SLC6A3: variants seen among roughly 807,000 people sequenced by gnomAD.
SLC6A3 encodes sodium-dependent dopamine transporter.
In SLC6A3, 19 loss-of-function variants were observed where a neutral mutation model predicts 70.4. That is an observed-to-expected ratio of 0.27 (90% CI 0.19 to 0.40). The LOEUF (loss-of-function observed/expected upper bound fraction) is 0.40, where lower values mean the gene tolerates loss of function less well. Among genes scored for constraint, SLC6A3 ranks in the 10% least tolerant of loss-of-function variants. The pLI, the probability that SLC6A3 is intolerant of heterozygous loss-of-function variation, is 1.00. For synonymous variants in SLC6A3, 368 were observed against 356.6 expected, an observed-to-expected ratio of 1.03 and a Z score of -0.36; for missense variants, 613 against 838.5, an observed-to-expected ratio of 0.73 and a Z score of 3.32.
intron 14 of SLC6A3, among the ~76,000 whole-genome samples, chr5:1,395,769 C>T (rs1224230364): frequency 2.0e-5 from 3 of 152,264 alleles, no homozygotes; most frequent in Admixed American, 6.5e-5. Flanking sequence ...ATGAAGAAGC[C>T]ATGCTTGGGA....
chr5:1,437,529 A>G lies in SLC6A3; in HGVS notation c.418+3830T>C, dbSNP rs1384181018. On this transcript the variant is annotated intron_variant, in intron 3 of 14. Transcript: ENST00000270349. This position sits in a 1 kb window ranked among gnomAD's most constrained non-coding sequence, Gnocchi z 4.8. Reference sequence around the variant, plus strand: ...GAGTTTTAAAGACCCACCTCTCAGGACCCTGGGGTGCACTGCGGGGCTGAA... The same window carrying G: ...GAGTTTTAAAGACCCACCTCTCAGGGCCCTGGGGTGCACTGCGGGGCTGAA... Among the ~76,000 whole-genome samples, 1 of 152,184 alleles carries G rather than the reference A, an allele frequency of 6.6e-6. No homozygotes were observed. The highest frequency in any genetic ancestry group is 1.5e-5 in the Non-Finnish European group (1 of 68,020).
At chr5:1,431,710 C>G (rs532030474) in intron 4 of SLC6A3, among the ~76,000 whole-genome samples, 10 of 149,750 alleles carry the variant, frequency 6.7e-5, no homozygotes, top group African/African-American at 2.2e-4. Context: ...CTGGGGTGGA[C>G]AGTGAGGGTT....
chr5:1,407,471 G>C (rs1329885299), intron 11 of SLC6A3, among the ~76,000 whole-genome samples: 1 of 152,250 alleles, frequency 6.6e-6, no homozygotes, highest in African/African-American at 2.4e-5. Context: ...GGAGTCATCA[G>C]CTCCAAGACC....
At chr5:1,441,052 T>A (rs897720065) in intron 3 of SLC6A3, among the ~76,000 whole-genome samples, 2 of 152,252 alleles carry the variant, frequency 1.3e-5, no homozygotes, top group African/African-American at 4.8e-5. Flanking sequence ...GATGGACCGA[T>A]GGATGATAGG....
rs978441100 is a variant in SLC6A3, at chr5:1,393,583, G to A, written c.*1152C>T. 1.3e-5 allele frequency: 2 copies of A among 154,192 alleles called. No homozygotes were observed. The highest frequency in any genetic ancestry group is 4.8e-5 in the African/African-American group (2 of 41,430). 9.6% of individuals were successfully genotyped at this position (154,192 alleles called of 1,614,324 possible). A position where few individuals can be genotyped will look rare whatever the true frequency, so the allele number is the denominator to read the frequency against. ...AGTGTGGTCTGCAGGCTGCCTGCAT[G>A]GGGGCCCTGCATGCGTCCTGGGGTA... On this transcript the variant is annotated 3_prime_UTR_variant, in exon 15 of 15. Coordinates refer to ENST00000270349, the MANE Select transcript of SLC6A3 (RefSeq NM_001044.5).
Position 1,396,094 on chromosome 5 carries a change from C to G in SLC6A3, c.1840-1336G>C, listed in dbSNP as rs1442476717. Among the ~76,000 whole-genome samples the G allele has an allele frequency of 6.6e-6, 1 of 152,182 alleles. No individual in the cohort carries two copies. The highest frequency in any genetic ancestry group is 2.4e-5 in the African/African-American group (1 of 41,436). ...ACAGTGATGAGAATTTCACAAGAAA[C>G]AGCAGAGCACACGCAGCTTCCAGAG... On this transcript the variant is annotated intron_variant, in intron 14 of 14. Coordinates refer to ENST00000270349, the MANE Select transcript of SLC6A3 (RefSeq NM_001044.5). The surrounding 1 kb of genome is among the most constrained non-coding windows in gnomAD (Gnocchi z 7.0).
intron 1 of SLC6A3, among the ~76,000 whole-genome samples, chr5:1,444,930 GC>G (rs1733763241): frequency 6.6e-6 from 1 of 152,034 alleles, no homozygotes; most frequent in Non-Finnish European, 1.5e-5. Context: ...CACAGACAAA[GC>G]CCCCGCGAGA....
rs1188249672 is a variant in SLC6A3, at chr5:1,442,460, T to C, written c.286+452A>G. 6.6e-6 allele frequency among the ~76,000 whole-genome samples: 1 copy of C among 152,172 alleles called. No homozygotes were observed. The highest frequency in any genetic ancestry group is 1.5e-5 in the Non-Finnish European group (1 of 68,012). On this transcript the variant is annotated intron_variant, in intron 2 of 14. Transcript: ENST00000270349. This position sits in a 1 kb window ranked among gnomAD's most constrained non-coding sequence, Gnocchi z 5.0. ...TTCGCTTTCTGGCTCTGTGGCTGGG[T>C]TCTGGAGGGTGCAGGGGACACAGTC...
rs570254399 is a variant in SLC6A3 at position 1,436,427 on chromosome 5, C to A, written c.419-3729G>T. ...TCCCCAAGGAGGTGGCAGGCAAAGT[C>A]CCTGCTCGCGTTTCCAGGGAAAACA... is the stretch of plus-strand genomic sequence containing the variant. On this transcript the variant is annotated intron_variant, in intron 3 of 14. Coordinates refer to ENST00000270349, the MANE Select transcript of SLC6A3 (RefSeq NM_001044.5). The surrounding 1 kb of genome is among the most constrained non-coding windows in gnomAD (Gnocchi z 5.2). 6.6e-6 allele frequency among the ~76,000 whole-genome samples: 1 copy of A among 152,300 alleles called. No individual in the cohort carries two copies. The highest frequency in any genetic ancestry group is 1.9e-4 in the East Asian group (1 of 5,180).
In SLC6A3 at chr5:1,405,562, C is replaced by T. The variant is rs754261461; in HGVS notation, c.1599+626G>A. ...GGCAGCACAGCTTTGCTTTGTGAGCCTCCAGGCCTCTGTGGTTCAGTGGGG... is the reference window on the plus strand; with the variant it reads ...GGCAGCACAGCTTTGCTTTGTGAGCTTCCAGGCCTCTGTGGTTCAGTGGGG... On this transcript the variant is annotated intron_variant, in intron 12 of 14. Transcript: ENST00000270349. This position sits in a 1 kb window ranked among gnomAD's most constrained non-coding sequence, Gnocchi z 5.3. Among the ~76,000 whole-genome samples, 1 of 152,258 alleles carries T rather than the reference C, an allele frequency of 6.6e-6. No individual in the cohort carries two copies. Among genetic ancestry groups the T allele is most frequent in the Non-Finnish European group, 1.5e-5 (1 of 68,046 alleles).
chr5:1,417,829 C>A (rs540035090), intron 6 of SLC6A3, among the ~76,000 whole-genome samples: 2 of 152,342 alleles, frequency 1.3e-5, no homozygotes, highest in East Asian at 1.9e-4. Flanking sequence ...GGCAGAGACA[C>A]CAGATGCTCC....
At chr5:1,432,254 C>T (rs976568149) in intron 4 of SLC6A3, among the ~76,000 whole-genome samples, 11 of 152,246 alleles carry the variant, frequency 7.2e-5, no homozygotes, top group Middle Eastern at 3.4e-3. Flanking sequence ...GCTGAGGGCT[C>T]GCCCTACAGG....
chr5:1,415,616 C>G (rs1290352235), intron 7 of SLC6A3, among the ~76,000 whole-genome samples: 1 of 152,144 alleles, frequency 6.6e-6, no homozygotes, highest in African/African-American at 2.4e-5. Flanking sequence ...GGATAAAATT[C>G]TGTTTCTGTT....
At chr5:1,407,363 G>A (rs1434679094) in intron 11 of SLC6A3, among the ~76,000 whole-genome samples, 1 of 147,162 alleles carries the variant, frequency 6.8e-6, no homozygotes. Context: ...GGGATGCAGA[G>A]AGGTGAGGCC....
Position 1,419,323 on chromosome 5 carries a change from T to TC in SLC6A3, c.927+1245dup, listed in dbSNP as rs1756380788. ...TCCTATCCACCTACTTACCTAGCAT[T>TC]CATCCATCCATCCATCCATCCATCC... On this transcript the variant is annotated intron_variant, in intron 6 of 14. Transcript: ENST00000270349. 7.0e-5 allele frequency among the ~76,000 whole-genome samples: 10 copies of TC among 142,968 alleles called. No individual in the cohort carries two copies. In the East Asian group the frequency reaches 1.5e-3, roughly 22 times the overall value. 93.8% of individuals were successfully genotyped at this position (142,968 alleles called of 152,430 possible).
rs937769351 is a variant in SLC6A3 at position 1,401,873 on chromosome 5, G to C, written c.1768-887C>G. On this transcript the variant is annotated intron_variant, in intron 13 of 14. Coordinates refer to ENST00000270349, the MANE Select transcript of SLC6A3 (RefSeq NM_001044.5). This position sits in a 1 kb window ranked among gnomAD's most constrained non-coding sequence, Gnocchi z 6.1. ...TGGGTCCTGGCAGGTCAGCCCGTGG[G>C]GGTCTGAGAGGGACTGTCCACAGCA... is the stretch of plus-strand genomic sequence containing the variant. 7.2e-5 allele frequency among the ~76,000 whole-genome samples: 11 copies of C among 152,190 alleles called. No homozygotes were observed. Among genetic ancestry groups the C allele is most frequent in the Admixed American group, 3.3e-4 (5 of 15,290 alleles).
At chr5:1,417,996 C>T (rs1381821203) in intron 6 of SLC6A3, among the ~76,000 whole-genome samples, 2 of 152,208 alleles carry the variant, frequency 1.3e-5, no homozygotes, top group African/African-American at 4.8e-5. Context: ...GTTCCTGGGA[C>T]AGTGTGTTTG....
Position 1,421,894 on chromosome 5 carries a change from G to C in SLC6A3, c.774C>G (p.Gly258=). 1 of 1,613,200 alleles carries C rather than the reference G, an allele frequency of 6.2e-7. No individual in the cohort carries two copies. Among genetic ancestry groups the C allele is most frequent in the Non-Finnish European group, 8.5e-7 (1 of 1,180,004 alleles). ...IVLLYFSLWK[G]VKTSGKVVWI... is the part of the protein sequence containing the mutation. The stretch of plus-strand genomic sequence containing the variant: ...GCCTCACCTTCCCTGAGGTCTTCAC[G>C]CCCTTCCAGAGGCTGAAGTAGAGCA... Residue 258 remains glycine, a synonymous_variant, in exon 5 of 15, where the codon GGC becomes GGG. Coordinates refer to ENST00000270349, the MANE Select transcript of SLC6A3 (RefSeq NM_001044.5). This position sits in a 1 kb window ranked among gnomAD's most constrained non-coding sequence, Gnocchi z 7.2.
chr5:1,413,788 G>A lies in SLC6A3; in HGVS notation c.1156+903C>T, dbSNP rs28363079. 1.9e-3 allele frequency among the ~76,000 whole-genome samples: 293 copies of A among 152,186 alleles called. No homozygotes were observed. Among genetic ancestry groups the A allele is most frequent in the East Asian group, 0.01 (53 of 5,166 alleles). On this transcript the variant is annotated intron_variant, in intron 8 of 14. Coordinates refer to ENST00000270349, the MANE Select transcript of SLC6A3 (RefSeq NM_001044.5). The surrounding 1 kb of genome is among the most constrained non-coding windows in gnomAD (Gnocchi z 7.1). ...AGCCTTGGGACTCCCTGGAGCTCTC[G>A]GTTGGCCCAAGTTAGGGCTGCCAAC...
Sources: gnomAD v4.1 joint callset for allele counts (sites outside exome capture counted in the v4.1 genomes callset) on GRCh38, gnomAD v4.1.1 for gene constraint, Gnocchi (gnomAD v3.1) non-coding constraint, MANE v1.5 for transcripts, NCBI Gene and HGNC (gene_info 2026-07-23, HGNC 2026-07-21) for gene names.